Variants in PALLD observed in about 807,000 individuals in gnomAD.
The protein encoded by PALLD is palladin, cytoskeletal associated protein.
PALLD carries 61 observed loss-of-function variants against 123.5 expected under a neutral mutation model. That is an observed-to-expected ratio of 0.49 (90% CI 0.40 to 0.61). The LOEUF (loss-of-function observed/expected upper bound fraction) is 0.61, where lower values mean the gene tolerates loss of function less well. PALLD is among the 20% of genes least tolerant of loss of function. PALLD has a pLI of 0.00. For synonymous variants in PALLD, 465 were observed against 496.4 expected (o/e 0.94, Z 0.84); for missense variants, 1,273 against 1,377.0 (o/e 0.92, Z 1.20).
At chr4:168,566,196 G>A (rs1430591342) in intron 2 of PALLD, among the ~76,000 whole-genome samples, 2 of 138,214 alleles carry the variant, frequency 1.4e-5, no homozygotes, top group Admixed American at 1.4e-4. Flanking sequence ...ACCAAACTCA[G>A]CTTACCTTCT....
In PALLD at chr4:168,817,975, G is replaced by C. The variant is rs114866376; in HGVS notation, c.1965-72947G>C. 3.6e-3 allele frequency among the ~76,000 whole-genome samples: 543 copies of C among 152,314 alleles called. 2 individuals are homozygous for C. The highest frequency in any genetic ancestry group is 5.8e-3 in the Non-Finnish European group (397 of 68,032). On this transcript the variant is annotated intron_variant, in intron 10 of 21. Coordinates refer to ENST00000505667, the MANE Select transcript of PALLD (RefSeq NM_001166108.2). ...GAACCTGCCCAGAAGAGTTTGGGTAGAGAGCTAAACTGGAGTGCAAAATAG... is the reference window on the plus strand; with the variant it reads ...GAACCTGCCCAGAAGAGTTTGGGTACAGAGCTAAACTGGAGTGCAAAATAG...
At chr4:168,625,794 G>C (rs947631260) in intron 2 of PALLD, among the ~76,000 whole-genome samples, 2 of 152,034 alleles carry the variant, frequency 1.3e-5, no homozygotes, top group Non-Finnish European at 2.9e-5. Context: ...GGAGAAATTG[G>C]AACTCATGCG....
chr4:168,700,564 T>C (rs1356596967), intron 8 of PALLD: 1 of 152,218 alleles, frequency 6.6e-6, no homozygotes, highest in East Asian at 1.9e-4. Context: ...TTTTCCTTCA[T>C]CTAAATTTCA....
At chr4:168,680,313 G>A (rs1311479348) in intron 3 of PALLD, among the ~76,000 whole-genome samples, 12 of 147,310 alleles carry the variant, frequency 8.1e-5, no homozygotes, top group African/African-American at 2.8e-4. Context: ...CCCCATCTCT[G>A]CTAAAAAAAA....
At chr4:168,799,422 A>G (rs1332845030) in intron 10 of PALLD, among the ~76,000 whole-genome samples, 1 of 152,226 alleles carries the variant, frequency 6.6e-6, no homozygotes, top group East Asian at 1.9e-4. Flanking sequence ...CTCAACATCA[A>G]AACATTTCTA....
chr4:168,743,579 T>C (rs776487386), intron 10 of PALLD, among the ~76,000 whole-genome samples: 3 of 152,204 alleles, frequency 2.0e-5, no homozygotes, highest in Non-Finnish European at 4.4e-5. Context: ...AAGTGAGCAG[T>C]ACCATGATTT....
chr4:168,893,045 G>T (rs972067408), intron 11 of PALLD, among the ~76,000 whole-genome samples: 2 of 152,028 alleles, frequency 1.3e-5, no homozygotes, highest in Admixed American at 1.3e-4. Flanking sequence ...ATGGCATAGT[G>T]ACTTAGAAAA....
intron 2 of PALLD, among the ~76,000 whole-genome samples, chr4:168,587,606 A>G (rs566850050): frequency 6.6e-6 from 1 of 152,012 alleles, no homozygotes; most frequent in Non-Finnish European, 1.5e-5. Flanking sequence ...TTTTTTCTCA[A>G]ACCTCAGCTT....
At chr4:168,913,135 A>ATTTT (rs1759352309) in intron 15 of PALLD, among the ~76,000 whole-genome samples, 1 of 119,908 alleles carries the variant, frequency 8.3e-6, no homozygotes, top group African/African-American at 2.7e-5. Flanking sequence ...GATGCCACTA[A>ATTTT]CTTTTTTTTT....
At chr4:168,611,301 A>G (rs1307732632) in intron 2 of PALLD, among the ~76,000 whole-genome samples, 3 of 152,056 alleles carry the variant, frequency 2.0e-5, no homozygotes, top group African/African-American at 4.8e-5. Context: ...AGACCATCCC[A>G]CCAGTTTGCG....
chr4:168,616,761 T>G (rs1774258081), intron 2 of PALLD, among the ~76,000 whole-genome samples: 1 of 152,202 alleles, frequency 6.6e-6, no homozygotes, highest in Non-Finnish European at 1.5e-5. Context: ...TCTGAATTTT[T>G]AACAAGCTTC....
chr4:168,881,017 G>GC (rs1752535019), intron 10 of PALLD, among the ~76,000 whole-genome samples: 1 of 152,060 alleles, frequency 6.6e-6, no homozygotes, highest in Admixed American at 6.6e-5. Flanking sequence ...AACAATTCAT[G>GC]CCTCAGCCAC....
In PALLD at chr4:168,925,104, T is replaced by C. The variant is rs3733656; in HGVS notation, c.3358+26T>C. 1,198,258 of 1,611,338 alleles carry C rather than the reference T, an allele frequency of 0.74. 450,123 individuals carry two copies. Among genetic ancestry groups the C allele is most frequent in the East Asian group, 0.95 (42,784 of 44,832 alleles). On this transcript the variant is annotated intron_variant, in intron 20 of 21. Coordinates refer to ENST00000505667, the MANE Select transcript of PALLD (RefSeq NM_001166108.2). ...GTGAGTGCCACTTCATCTCATTTCATTGCGTTTACTCATTAAATTATGAAA... is the reference window on the plus strand; with the variant it reads ...GTGAGTGCCACTTCATCTCATTTCACTGCGTTTACTCATTAAATTATGAAA...
chr4:168,550,916 C>G (rs1443568140), intron 2 of PALLD, among the ~76,000 whole-genome samples: 1 of 152,144 alleles, frequency 6.6e-6, no homozygotes, highest in Admixed American at 6.5e-5. Context: ...GTTACTAGTG[C>G]TAATTTGCAT....
At chr4:168,709,558 GGAAGGAAGGAAGGAAGGAAGGAAGGA>G (rs1784564236) in intron 9 of PALLD, among the ~76,000 whole-genome samples, 33 of 708 alleles carry the variant, frequency 0.047, 1 homozygote, top group Non-Finnish European at 0.06. Flanking sequence ...AAGGAAGGAA[GGAAGGAAGGAAGGAAGGAAGGAAGGA>G]AGGAAGGGAG....
At chr4:168,523,223 A>G (rs1205577960) in intron 2 of PALLD, among the ~76,000 whole-genome samples, 2 of 80,064 alleles carry the variant, frequency 2.5e-5, no homozygotes, top group Non-Finnish European at 4.8e-5. Context: ...AAGAAAGAGG[A>G]GAGGAGAGGA....
chr4:168,734,222 A>G (rs559667396), intron 10 of PALLD, among the ~76,000 whole-genome samples: 1 of 152,170 alleles, frequency 6.6e-6, no homozygotes, highest in African/African-American at 2.4e-5. Flanking sequence ...TTCCCAAAAA[A>G]ATTTACTATT....
intron 2 of PALLD, among the ~76,000 whole-genome samples, chr4:168,593,771 C>T (rs1580476126): frequency 6.6e-6 from 1 of 152,156 alleles, no homozygotes; most frequent in Non-Finnish European, 1.5e-5. Context: ...AGCAGGCCCA[C>T]CAAAAATCCC....
intron 10 of PALLD, among the ~76,000 whole-genome samples, chr4:168,821,711 A>T (rs976521633): frequency 6.6e-6 from 1 of 151,792 alleles, no homozygotes; most frequent in African/African-American, 2.4e-5. Flanking sequence ...CCTCGTCTCT[A>T]CTAAAAAAAA....
Sources: gnomAD v4.1 joint callset for allele counts (sites outside exome capture counted in the v4.1 genomes callset) on GRCh38, gnomAD v4.1.1 for gene constraint, MANE v1.5 for transcripts, NCBI Gene and HGNC (gene_info 2026-07-23, HGNC 2026-07-21) for gene names.